CHIC2: variants seen among roughly 807,000 people sequenced by gnomAD.
CHIC2 encodes the protein cysteine rich hydrophobic domain 2, also known as cysteine-rich hydrophobic domain-containing protein 2.
CHIC2 carries 14 observed loss-of-function variants against 25.9 expected under a neutral mutation model. That is an observed-to-expected ratio of 0.54 (90% CI 0.36 to 0.85). The LOEUF is 0.85. Ranked by LOEUF, CHIC2 falls within the 40% of genes least tolerant of loss-of-function variation. CHIC2 has a pLI of 0.01. For synonymous variants in CHIC2, 70 were observed against 72.0 expected (o/e 0.97, Z 0.14); for missense variants, 146 against 202.0 (o/e 0.72, Z 1.68).
At chr4:54,010,441 A>AC (rs1184362953) in intron 5 of CHIC2, among the ~76,000 whole-genome samples, 3 of 152,102 alleles carry the variant, frequency 2.0e-5, no homozygotes, top group Non-Finnish European at 4.4e-5. Context: ...CCCCTGATAC[A>AC]CTGGAGGAGC....
the CHIC2 span, among the ~76,000 whole-genome samples, chr4:54,083,266 C>T: frequency 6.6e-6 from 1 of 151,990 alleles, no homozygotes; most frequent in East Asian, 1.9e-4. Flanking sequence ...CCACCCACCT[C>T]AGCCTCCCAA....
At position 54,064,547 on chromosome 4, in the gene CHIC2, A is replaced by G; in HGVS notation, c.-247T>C. ...AATGTCAACATCCGCCCAGAGGCCGACACCTCCACAAGCACAGACGCCGCT... is the reference window on the plus strand; with the variant it reads ...AATGTCAACATCCGCCCAGAGGCCGGCACCTCCACAAGCACAGACGCCGCT... On this transcript the variant is annotated 5_prime_UTR_variant, in exon 1 of 6. Transcript: ENST00000263921. This position sits in a 1 kb window ranked among gnomAD's most constrained non-coding sequence, Gnocchi z 4.2. 7.4e-7 allele frequency: 1 copy of G among 1,345,890 alleles called. No individual in the cohort carries two copies. The highest frequency in any genetic ancestry group is 9.5e-7 in the Non-Finnish European group (1 of 1,052,314). 83.4% of individuals were successfully genotyped at this position (1,345,890 alleles called of 1,614,324 possible).
At chr4:54,058,686 T>C (rs1047652143) in intron 1 of CHIC2, among the ~76,000 whole-genome samples, 1 of 152,158 alleles carries the variant, frequency 6.6e-6, no homozygotes, top group Non-Finnish European at 1.5e-5. Flanking sequence ...AAAATCTAAA[T>C]AGCTTTATAG....
chr4:54,018,843 C>T (rs1006173593), intron 3 of CHIC2, among the ~76,000 whole-genome samples: 8 of 151,958 alleles, frequency 5.3e-5, no homozygotes, highest in Admixed American at 4.6e-4. Context: ...CATACCATCA[C>T]AAAATGGGAA....
At chr4:54,075,818 G>C in the CHIC2 span, among the ~76,000 whole-genome samples, 1 of 152,130 alleles carries the variant, frequency 6.6e-6, no homozygotes, top group Admixed American at 6.5e-5. Flanking sequence ...AAAATGCTGG[G>C]ATTACAGATG....
At chr4:54,066,117 G>A (rs1717513086), upstream of CHIC2, among the ~76,000 whole-genome samples, 1 of 152,124 alleles carries the variant, frequency 6.6e-6, no homozygotes, top group Non-Finnish European at 1.5e-5. Flanking sequence ...AGTGTCAGTG[G>A]GGCACACAGG....
intron 3 of CHIC2, among the ~76,000 whole-genome samples, chr4:54,042,155 A>G (rs2110079180): frequency 6.6e-6 from 1 of 152,318 alleles, no homozygotes; most frequent in East Asian, 1.9e-4. Flanking sequence ...ACCCAAGGAC[A>G]GATATGTATG....
At chr4:54,059,629 C>CA (rs1717273319) in intron 1 of CHIC2, 2 of 151,162 alleles carry the variant, frequency 1.3e-5, no homozygotes, top group South Asian at 4.2e-4. Context: ...TCACAATTAC[C>CA]AGATTTCATT....
chr4:54,025,013 C>T (rs1481951803), intron 3 of CHIC2, among the ~76,000 whole-genome samples: 2 of 152,070 alleles, frequency 1.3e-5, no homozygotes, highest in East Asian at 1.9e-4. Flanking sequence ...TGAGAAACAT[C>T]GTCCATTATG....
chr4:54,082,105 A>C, the CHIC2 span, among the ~76,000 whole-genome samples: 1 of 152,228 alleles, frequency 6.6e-6, no homozygotes, highest in African/African-American at 2.4e-5. Flanking sequence ...TGGAAAATCA[A>C]GAGTGATAGC....
chr4:54,089,747 A>T, the CHIC2 span, among the ~76,000 whole-genome samples: 5 of 152,186 alleles, frequency 3.3e-5, no homozygotes, highest in Non-Finnish European at 7.3e-5. Context: ...TGGTAACAGT[A>T]CTTTTGATAA....
chr4:54,082,103 C>A, the CHIC2 span, among the ~76,000 whole-genome samples: 1 of 152,164 alleles, frequency 6.6e-6, no homozygotes, highest in Admixed American at 6.5e-5. Context: ...GATGGAAAAT[C>A]AAGAGTGATA....
chr4:54,060,321 C>T (rs539869693), intron 1 of CHIC2: 1 of 152,234 alleles, frequency 6.6e-6, no homozygotes, highest in East Asian at 1.9e-4. Context: ...TTGATAAAAA[C>T]TGGTGTTGAA....
chr4:54,080,872 A>C, the CHIC2 span, among the ~76,000 whole-genome samples: 1 of 148,488 alleles, frequency 6.7e-6, no homozygotes, highest in South Asian at 2.2e-4. Context: ...CTCACCACAC[A>C]TGGTAACTAT....
chr4:54,045,443 T>C (rs1479564110), intron 3 of CHIC2, among the ~76,000 whole-genome samples: 6 of 152,180 alleles, frequency 3.9e-5, no homozygotes, highest in Non-Finnish European at 7.3e-5. Context: ...TCAAAAAGCT[T>C]ATCCACCATG....
chr4:54,041,365 C>T (rs1389819875), intron 3 of CHIC2, among the ~76,000 whole-genome samples: 3 of 152,062 alleles, frequency 2.0e-5, no homozygotes, highest in Middle Eastern at 3.4e-3. Context: ...TCATGCCTCT[C>T]GATCGAGGGT....
chr4:54,064,619 G>A (rs1365929319), upstream of CHIC2: 2 of 1,118,298 alleles, frequency 1.8e-6, no homozygotes, highest in Non-Finnish European at 1.1e-6. The surrounding 1 kb of genome is among the most constrained non-coding windows in gnomAD (Gnocchi z 4.2). Flanking sequence ...GCAACAGCCC[G>A]AGCCACCCGC....
At chr4:54,033,558 A>G (rs927739640) in intron 3 of CHIC2, among the ~76,000 whole-genome samples, 6 of 152,230 alleles carry the variant, frequency 3.9e-5, no homozygotes, top group Admixed American at 3.9e-4. Flanking sequence ...GTGTTCTTTT[A>G]GGGATTGTGC....
chr4:54,010,811 T>C (rs1715564782), intron 5 of CHIC2, among the ~76,000 whole-genome samples: 1 of 152,136 alleles, frequency 6.6e-6, no homozygotes, highest in Non-Finnish European at 1.5e-5. Context: ...GCTCTCATTT[T>C]ACTCTACCAG....
Sources: allele counts gnomAD v4.1 joint callset (sites outside exome capture counted in the v4.1 genomes callset), GRCh38; gene constraint gnomAD v4.1.1; non-coding constraint Gnocchi (gnomAD v3.1); transcripts MANE v1.5; gene names NCBI Gene and HGNC (gene_info 2026-07-23, HGNC 2026-07-21).